The following FAT4 variants were observed in gnomAD, a reference collection of about 807,000 sequenced individuals.
The protein encoded by FAT4 is protocadherin Fat 4.
FAT4 carries 84 observed loss-of-function variants against 303.9 expected under a neutral mutation model. The ratio of observed to expected loss-of-function variants is 0.28; its 90% CI spans 0.23 to 0.33. FAT4 has a LOEUF of 0.33. FAT4 is among the 10% of genes least tolerant of loss of function. FAT4 has a pLI of 1.00. For synonymous variants in FAT4, 2,307 were observed against 2,298.8 expected, an observed-to-expected ratio of 1.00 and a Z score of -0.10; for missense variants, 6,005 against 6,146.8, an observed-to-expected ratio of 0.98 and a Z score of 0.77.
At chr4:125,482,935 A>C (rs2126088338) in intron 16 of FAT4, among the ~76,000 whole-genome samples, 1 of 152,274 alleles carries the variant, frequency 6.6e-6, no homozygotes, top group South Asian at 2.1e-4. Context: ...GATAGATTTT[A>C]CCCCCATGGG....
At chr4:125,399,111 G>C (rs1338379619) in intron 3 of FAT4, among the ~76,000 whole-genome samples, 196 bp downstream of exon 3, 1 of 152,012 alleles carries the variant, frequency 6.6e-6, no homozygotes, top group Non-Finnish European at 1.5e-5. Context: ...ATTTTCCTCT[G>C]ATCAGCAATC....
chr4:125,421,944 G>T (rs1449088601), intron 7 of FAT4, among the ~76,000 whole-genome samples: 1 of 151,900 alleles, frequency 6.6e-6, no homozygotes, highest in Non-Finnish European at 1.5e-5. Context: ...AAAATATATT[G>T]CTGACTCTCT....
intron 12 of FAT4, among the ~76,000 whole-genome samples, chr4:125,474,801 G>A (rs1235137247): frequency 2.0e-5 from 3 of 151,926 alleles, no homozygotes; most frequent in South Asian, 2.1e-4. Context: ...GGATATTAAG[G>A]AAATTAATCA....
intron 8 of FAT4, among the ~76,000 whole-genome samples, chr4:125,436,280 G>T (rs1479720970): frequency 1.3e-5 from 2 of 152,088 alleles, no homozygotes; most frequent in Admixed American, 1.3e-4. Flanking sequence ...CACCTAGGCA[G>T]ATCATGATAT....
intron 10 of FAT4, among the ~76,000 whole-genome samples, chr4:125,457,090 C>T (rs1726306087): frequency 6.6e-6 from 1 of 151,146 alleles, no homozygotes; most frequent in Non-Finnish European, 1.5e-5. Flanking sequence ...TTAAAATAAT[C>T]CTCAGCCACT....
chr4:125,322,241 G>T (rs957559223), intron 2 of FAT4, among the ~76,000 whole-genome samples: 4 of 152,086 alleles, frequency 2.6e-5, no homozygotes, highest in African/African-American at 9.7e-5. Flanking sequence ...CATGCAATGG[G>T]CTGTGAATAA....
chr4:125,349,790 T>G (rs1238534080), intron 2 of FAT4, among the ~76,000 whole-genome samples: 3 of 151,694 alleles, frequency 2.0e-5, no homozygotes, highest in Admixed American at 1.3e-4. Context: ...AAGGCTCATT[T>G]CAGAAATAAA....
At chr4:125,335,644 T>G (rs931827740) in intron 2 of FAT4, among the ~76,000 whole-genome samples, 1 of 152,098 alleles carries the variant, frequency 6.6e-6, no homozygotes, top group African/African-American at 2.4e-5. Context: ...TTAAGCTTCA[T>G]TAAAGGATTT....
At chr4:125,333,391 T>A (rs534736200) in intron 2 of FAT4, among the ~76,000 whole-genome samples, 97 of 152,286 alleles carry the variant, frequency 6.4e-4, no homozygotes, top group South Asian at 1.7e-3. Context: ...CAATGACAGA[T>A]TTTTAACATC....
intron 2 of FAT4, among the ~76,000 whole-genome samples, chr4:125,381,816 AT>A (rs1270670542): frequency 2.0e-5 from 3 of 152,172 alleles, no homozygotes; most frequent in Non-Finnish European, 4.4e-5. Flanking sequence ...ACTGGAGTCA[AT>A]CCTCTCAAAC....
At chr4:125,394,563 A>G (rs1177483902) in intron 2 of FAT4, among the ~76,000 whole-genome samples, 1 of 152,214 alleles carries the variant, frequency 6.6e-6, no homozygotes, top group East Asian at 1.9e-4. Flanking sequence ...AAAGTGATCT[A>G]AATTGTATAG....
In FAT4 at chr4:125,469,026, C is replaced by T. The variant is rs17009745; in HGVS notation, c.12213+207C>T. ...GAACAATTGAGAATATAGCCTAGTG[C>T]GTGAAATAATTTCATTGATATTTTT... On this transcript the variant is annotated intron_variant, in intron 12 of 17. Coordinates refer to ENST00000394329, the MANE Select transcript of FAT4 (RefSeq NM_001291303.3). Among the ~76,000 whole-genome samples, 52,853 of 151,966 alleles carry T rather than the reference C, an allele frequency of 0.35. 9,585 individuals carry two copies. The highest frequency in any genetic ancestry group is 0.58 in the East Asian group (3,003 of 5,156).
chr4:125,343,781 C>T (rs867661285), intron 2 of FAT4, among the ~76,000 whole-genome samples: 3 of 151,928 alleles, frequency 2.0e-5, no homozygotes, highest in East Asian at 3.9e-4. Flanking sequence ...CAGGTTGATT[C>T]GAAAGGGCTT....
chr4:125,326,634 C>T (rs1477934927), intron 2 of FAT4, among the ~76,000 whole-genome samples: 2 of 152,162 alleles, frequency 1.3e-5, no homozygotes, highest in East Asian at 3.9e-4. Context: ...TTCTATCAAG[C>T]TGGATCAGTC....
chr4:125,429,195 G>A (rs1354438458), intron 7 of FAT4, among the ~76,000 whole-genome samples: 3 of 152,122 alleles, frequency 2.0e-5, no homozygotes, highest in Non-Finnish European at 2.9e-5. Flanking sequence ...GACTATAAAA[G>A]TATAGTCCTA....
At position 125,420,727 on chromosome 4, in the gene FAT4, A is replaced by G. The variant is rs116574657; in HGVS notation, c.7018+4105A>G. Among the ~76,000 whole-genome samples the G allele has an allele frequency of 4.5e-3, 692 of 152,330 alleles. 5 individuals carry two copies. The highest frequency in any genetic ancestry group is 0.016 in the African/African-American group (647 of 41,572). On this transcript the variant is annotated intron_variant, in intron 7 of 17. Transcript: ENST00000394329. ...ATTTTATGGCTTTAATTCAGTTTCA[A>G]GTGCTTAAAATACTGCTTGAGCTAT...
chr4:125,376,303 T>A (rs1733315319), intron 2 of FAT4, among the ~76,000 whole-genome samples: 1 of 152,194 alleles, frequency 6.6e-6, no homozygotes, highest in African/African-American at 2.4e-5. Context: ...TATTTAAATT[T>A]AAATCAAACA....
rs749564131 is a variant in FAT4 at position 125,408,688 on chromosome 4, T to C, written c.5814T>C (p.Asn1938=). The change falls in exon 5 of 18, where the codon AAT becomes AAC. Residue 1938 remains asparagine, a synonymous_variant. Coordinates refer to ENST00000394329, the MANE Select transcript of FAT4 (RefSeq NM_001291303.3). ...TTTATTTCAATATTCTAGATGTAAA[T>C]GATAATCCACCTATTTTCAGCTTGA... ...IRVYFNILDV[N]DNPPIFSLNS... The C allele has an allele frequency of 2.5e-6, 4 of 1,611,106 alleles. No homozygotes were observed. The highest frequency in any genetic ancestry group is 3.4e-6 in the Non-Finnish European group (4 of 1,177,562).
At chr4:125,362,678 A>T (rs1026101052) in intron 2 of FAT4, 3 of 152,214 alleles carry the variant, frequency 2.0e-5, no homozygotes, top group Admixed American at 6.5e-5. Flanking sequence ...AGGAAAATGT[A>T]TTGCACTATA....
Sources: allele counts gnomAD v4.1 joint callset (sites outside exome capture counted in the v4.1 genomes callset), GRCh38; gene constraint gnomAD v4.1.1; transcripts MANE v1.5; gene names NCBI Gene and HGNC (gene_info 2026-07-23, HGNC 2026-07-21).